DPP10: variants seen among roughly 807,000 people sequenced by gnomAD.
The protein encoded by DPP10 is dipeptidyl peptidase like 10, also known as inactive dipeptidyl peptidase 10.
In DPP10, 33 loss-of-function variants were observed where a neutral mutation model predicts 120.9. The observed-to-expected ratio is 0.27, with a 90% CI of 0.21 to 0.37. The LOEUF (loss-of-function observed/expected upper bound fraction) is 0.37. Among genes scored for constraint, DPP10 ranks in the 10% least tolerant of loss-of-function variants. The probability of loss-of-function intolerance (pLI) is 1.00; values close to 1 mark genes in which losing one functional copy is unlikely to be tolerated. For missense variants in DPP10, 816 were observed against 942.8 expected, an observed-to-expected ratio of 0.87 and a Z score of 1.76; for synonymous variants, 337 against 326.1, an observed-to-expected ratio of 1.03 and a Z score of -0.36.
intron 1 of DPP10, among the ~76,000 whole-genome samples, chr2:114,590,729 T>C (rs1305977246): frequency 6.6e-6 from 1 of 152,126 alleles, no homozygotes; most frequent in Non-Finnish European, 1.5e-5. Context: ...ACAAATAAAA[T>C]AGAAACAAGT....
chr2:115,540,457 G>T (rs1364116186), intron 5 of DPP10, among the ~76,000 whole-genome samples: 4 of 151,748 alleles, frequency 2.6e-5, no homozygotes, highest in Non-Finnish European at 5.9e-5. Flanking sequence ...AACAAAGCTT[G>T]TCTATATTGG....
chr2:115,444,052 C>T (rs1338492429), intron 3 of DPP10, among the ~76,000 whole-genome samples: 1 of 152,134 alleles, frequency 6.6e-6, no homozygotes, highest in East Asian at 1.9e-4. Context: ...AGGCAATACT[C>T]AAATGACTTG....
chr2:114,944,736 A>G (rs576355072), intron 1 of DPP10, among the ~76,000 whole-genome samples: 2 of 152,202 alleles, frequency 1.3e-5, no homozygotes, highest in African/African-American at 4.8e-5. Flanking sequence ...TAAGTCCTCA[A>G]AACAGCACTA....
intron 1 of DPP10, among the ~76,000 whole-genome samples, chr2:114,936,509 T>C (rs1696493023): frequency 6.6e-6 from 1 of 152,070 alleles, no homozygotes. Flanking sequence ...GCATTTGGGC[T>C]GGTTCCACAT....
intron 1 of DPP10, among the ~76,000 whole-genome samples, chr2:114,987,619 G>A (rs1232963261): frequency 6.6e-6 from 1 of 151,968 alleles, no homozygotes; most frequent in Middle Eastern, 3.2e-3. Context: ...ACTTCTCTGA[G>A]GCTCTGAGGT....
At chr2:115,304,980 A>C (rs1247253350) in intron 1 of DPP10, among the ~76,000 whole-genome samples, 1 of 152,102 alleles carries the variant, frequency 6.6e-6, no homozygotes, top group Non-Finnish European at 1.5e-5. Context: ...TTACAGACTC[A>C]GTTTAGTTTG....
chr2:115,662,900 G>A (rs2089120122), intron 5 of DPP10, among the ~76,000 whole-genome samples: 1 of 152,170 alleles, frequency 6.6e-6, no homozygotes, highest in African/African-American at 2.4e-5. Flanking sequence ...TGGCTCCAAT[G>A]TGTTCTTACT....
At position 114,676,390 on chromosome 2, in the gene DPP10, C is replaced by A. The variant is rs188735194; in HGVS notation, c.60+233552C>A. Among the ~76,000 whole-genome samples, 4 of 152,118 alleles carry A rather than the reference C, an allele frequency of 2.6e-5. No individual in the cohort carries two copies. In the East Asian group the frequency reaches 7.7e-4, roughly 29 times the overall value. ...AGTGGCTACTTCTGTATATTAAAAA[C>A]GAAAACTAGCATATCAATTGTATCT... On this transcript the variant is annotated intron_variant, in intron 1 of 25. Transcript: ENST00000410059.
At chr2:115,166,683 G>A (rs2052902745) in intron 1 of DPP10, among the ~76,000 whole-genome samples, 1 of 150,534 alleles carries the variant, frequency 6.6e-6, no homozygotes, top group African/African-American at 2.4e-5. Flanking sequence ...CAGGATCTGA[G>A]CAAATGGTAC....
intron 1 of DPP10, among the ~76,000 whole-genome samples, chr2:115,063,052 G>A (rs1706545579): frequency 6.6e-6 from 1 of 152,152 alleles, no homozygotes; most frequent in African/African-American, 2.4e-5. Flanking sequence ...CCCAGCATCT[G>A]TTGTTTCTTG....
intron 1 of DPP10, among the ~76,000 whole-genome samples, chr2:115,055,722 C>T (rs1052491249): frequency 7.9e-5 from 12 of 152,064 alleles, no homozygotes; most frequent in African/African-American, 2.9e-4. Context: ...GTCTGCCACC[C>T]AGTTCTAGAA....
intron 1 of DPP10, among the ~76,000 whole-genome samples, chr2:114,542,783 C>A (rs892734907): frequency 5.3e-5 from 8 of 152,192 alleles, no homozygotes; most frequent in Non-Finnish European, 1.0e-4. Flanking sequence ...CTTAATATCT[C>A]ATGACTCATT....
chr2:115,518,542 T>G, intron 4 of DPP10, among the ~76,000 whole-genome samples: 1 of 152,090 alleles, frequency 6.6e-6, no homozygotes. Context: ...GTTTCCCTTC[T>G]TTTTGTAAAT....
chr2:115,594,464 CA>C (rs1349036375), intron 5 of DPP10, among the ~76,000 whole-genome samples: 1 of 151,976 alleles, frequency 6.6e-6, no homozygotes, highest in Non-Finnish European at 1.5e-5. Context: ...ATGTTTTAAA[CA>C]AAAAAAGTCA....
chr2:115,598,941 A>G (rs1016254425), intron 5 of DPP10, among the ~76,000 whole-genome samples: 2 of 151,710 alleles, frequency 1.3e-5, no homozygotes, highest in Non-Finnish European at 2.9e-5. Flanking sequence ...CTCATTTTAA[A>G]TTATGAGATG....
chr2:114,465,151 C>T (rs10496463), intron 1 of DPP10, among the ~76,000 whole-genome samples: 15,562 of 152,128 alleles, frequency 0.1, 2,646 homozygotes, highest in African/African-American at 0.35. Flanking sequence ...GTTGTGTGAA[C>T]GTAGAAAAGT....
At chr2:115,489,306 A>G (rs1375596638) in intron 3 of DPP10, among the ~76,000 whole-genome samples, 1 of 151,756 alleles carries the variant, frequency 6.6e-6, no homozygotes, top group Non-Finnish European at 1.5e-5. Flanking sequence ...CTGATCTAGT[A>G]TACTGTAAAC....
chr2:115,577,371 G>T (rs1186425752), intron 5 of DPP10, among the ~76,000 whole-genome samples: 1 of 152,180 alleles, frequency 6.6e-6, no homozygotes, highest in African/African-American at 2.4e-5. Flanking sequence ...GGGACTTCAT[G>T]CCAATTACCT....
At chr2:115,473,067 A>G (rs1041103010) in intron 3 of DPP10, among the ~76,000 whole-genome samples, 42 of 152,222 alleles carry the variant, frequency 2.8e-4, no homozygotes, top group Admixed American at 7.2e-4. Context: ...ATAATAAATG[A>G]AAATGTGGTC....
Sources: gnomAD v4.1 joint callset for allele counts (sites outside exome capture counted in the v4.1 genomes callset) on GRCh38, gnomAD v4.1.1 for gene constraint, MANE v1.5 for transcripts, NCBI Gene and HGNC (gene_info 2026-07-23, HGNC 2026-07-21) for gene names.